Variants in SAMMSON observed in about 807,000 individuals in gnomAD.
SAMMSON encodes the protein long intergenic non-protein coding RNA 1212.
intron 6 of SAMMSON, among the ~76,000 whole-genome samples, chr3:70,289,126 C>T (rs1215320614): frequency 2.0e-5 from 3 of 150,836 alleles, no homozygotes; most frequent in South Asian, 2.2e-4. Context: ...TGATTTTGCT[C>T]GTTAGTTGAT....
intron 7 of SAMMSON, among the ~76,000 whole-genome samples, chr3:70,309,985 G>C (rs987870806): frequency 1.3e-5 from 2 of 152,106 alleles, no homozygotes; most frequent in Non-Finnish European, 2.9e-5. Flanking sequence ...GACATCTGTA[G>C]CACAGAGTAA....
chr3:70,094,846 G>A (rs2106649926), intron 4 of SAMMSON: 2 of 152,318 alleles, frequency 1.3e-5, no homozygotes, highest in Non-Finnish European at 1.5e-5. Flanking sequence ...TGAACTTCTT[G>A]ACAGGTTACA....
chr3:70,237,953 G>A (rs1414342487), intron 4 of SAMMSON, among the ~76,000 whole-genome samples: 3 of 120,820 alleles, frequency 2.5e-5, no homozygotes, highest in Non-Finnish European at 3.3e-5. Context: ...TAAAAGAGAA[G>A]GGAAAAGAAA....
chr3:70,416,324 T>G (rs1701264560), intron 2 of SAMMSON, among the ~76,000 whole-genome samples: 1 of 152,176 alleles, frequency 6.6e-6, no homozygotes, highest in Non-Finnish European at 1.5e-5. Flanking sequence ...AAACTGTATG[T>G]GAATTTAATT....
At chr3:70,123,123 C>G (rs1481439470) in intron 4 of SAMMSON, among the ~76,000 whole-genome samples, 1 of 152,202 alleles carries the variant, frequency 6.6e-6, no homozygotes, top group East Asian at 1.9e-4. Flanking sequence ...GGGCTACCCA[C>G]AGACTTCTCA....
At chr3:70,372,373 G>A (rs937223691) in intron 9 of SAMMSON, among the ~76,000 whole-genome samples, 11 of 152,042 alleles carry the variant, frequency 7.2e-5, no homozygotes, top group South Asian at 4.2e-4. Context: ...GTACAATGGC[G>A]TGATCTTGGC....
At chr3:70,187,725 C>G (rs1018809883) in intron 4 of SAMMSON, among the ~76,000 whole-genome samples, 5 of 151,816 alleles carry the variant, frequency 3.3e-5, no homozygotes, top group African/African-American at 1.2e-4. Flanking sequence ...CCTGAGCCAC[C>G]GCGCCCGGCC....
intron 6 of SAMMSON, among the ~76,000 whole-genome samples, chr3:70,277,130 A>AG (rs1329402572): frequency 3.9e-5 from 6 of 152,290 alleles, no homozygotes; most frequent in Admixed American, 3.9e-4. Flanking sequence ...TGATTAGGTG[A>AG]GACCTCGGCA....
intron 3 of SAMMSON, among the ~76,000 whole-genome samples, chr3:70,052,164 A>G (rs1671920645): frequency 6.8e-6 from 1 of 146,492 alleles, no homozygotes; most frequent in Non-Finnish European, 1.5e-5. Context: ...TATTTTCTTA[A>G]CTCTGTAACT....
At chr3:70,389,523 A>T (rs959074557) in intron 9 of SAMMSON, 3 of 152,128 alleles carry the variant, frequency 2.0e-5, no homozygotes, top group African/African-American at 7.2e-5. Flanking sequence ...TCTATGCTCT[A>T]GTCTGTAAAG....
chr3:70,416,505 A>ATGGG, intron 2 of SAMMSON, among the ~76,000 whole-genome samples: 1 of 152,172 alleles, frequency 6.6e-6, no homozygotes, highest in Admixed American at 6.5e-5. Context: ...GGTAAAAATT[A>ATGGG]TGGTATTTTA....
chr3:70,199,608 G>C (rs1427497040), intron 4 of SAMMSON, among the ~76,000 whole-genome samples: 1 of 152,058 alleles, frequency 6.6e-6, no homozygotes, highest in African/African-American at 2.4e-5. Context: ...TTCCTAAAAG[G>C]CATGTTAAAT....
At chr3:70,426,327 T>A (rs1701368279) in intron 2 of SAMMSON, among the ~76,000 whole-genome samples, 1 of 152,202 alleles carries the variant, frequency 6.6e-6, no homozygotes, top group African/African-American at 2.4e-5. Context: ...TATATTTCAT[T>A]AGAAACAATA....
intron 6 of SAMMSON, among the ~76,000 whole-genome samples, chr3:70,273,533 G>A (rs1023761980): frequency 3.9e-5 from 6 of 151,920 alleles, no homozygotes; most frequent in African/African-American, 1.5e-4. Context: ...CACCTAATTG[G>A]GAAAAGGTCA....
chr3:70,290,517 G>C (rs1334976586), intron 6 of SAMMSON, among the ~76,000 whole-genome samples: 1 of 152,226 alleles, frequency 6.6e-6, no homozygotes, highest in Admixed American at 6.5e-5. Context: ...CTTTTTGTTT[G>C]TCTGTGCCCT....
rs568262447 is a variant in SAMMSON at position 70,247,878 on chromosome 3, G to A, written n.508-1229G>A. Among the ~76,000 whole-genome samples the A allele has an allele frequency of 2.6e-5, 4 of 152,020 alleles. No individual in the cohort carries two copies. In the South Asian group the frequency reaches 8.3e-4, roughly 31 times the overall value. On this transcript the variant is annotated intron_variant and non_coding_transcript_variant, in intron 4 of 9. Coordinates refer to ENST00000642114, the Ensembl canonical transcript of SAMMSON. Reference sequence around the variant, plus strand: ...ATGAAGCACTAAAATAATATCATAAGTTATTTTTTATAAGTTTCTGTTTTC... The same window carrying A: ...ATGAAGCACTAAAATAATATCATAAATTATTTTTTATAAGTTTCTGTTTTC...
chr3:70,167,846 C>T (rs1357509839), intron 4 of SAMMSON, among the ~76,000 whole-genome samples: 1 of 151,900 alleles, frequency 6.6e-6, no homozygotes, highest in Non-Finnish European at 1.5e-5. Flanking sequence ...GTGGTCATCG[C>T]AGGTGGTGCC....
chr3:70,220,852 G>T (rs1353073902), intron 4 of SAMMSON, among the ~76,000 whole-genome samples: 1 of 152,152 alleles, frequency 6.6e-6, no homozygotes, highest in East Asian at 1.9e-4. Flanking sequence ...ATGACATTCA[G>T]TTGTAAGTGT....
intron 9 of SAMMSON, among the ~76,000 whole-genome samples, chr3:70,361,642 G>A (rs1702871397): frequency 6.6e-6 from 1 of 152,148 alleles, no homozygotes; most frequent in Non-Finnish European, 1.5e-5. Flanking sequence ...ATGTCTACAT[G>A]TAGGTACTAT....
Sources: allele counts gnomAD v4.1 joint callset (sites outside exome capture counted in the v4.1 genomes callset), GRCh38; gene constraint gnomAD v4.1.1; transcripts MANE v1.5; gene names NCBI Gene and HGNC (gene_info 2026-07-23, HGNC 2026-07-21).